UGT1A10: variants seen among roughly 807,000 people sequenced by gnomAD.
UGT1A10 encodes the protein UDP glucuronosyltransferase family 1 member A10.
UGT1A10 carries 49 observed loss-of-function variants against 45.8 expected under a neutral mutation model. The ratio of observed to expected loss-of-function variants is 1.07; its 90% confidence interval spans 0.85 to 1.36. UGT1A10 has a LOEUF of 1.36. Ranked by LOEUF, UGT1A10 falls within the 40% of genes most tolerant of loss-of-function variation. UGT1A10 has a pLI of 0.00. For synonymous variants in UGT1A10, 284 were observed against 249.7 expected (o/e 1.14, Z -1.29); for missense variants, 745 against 668.6 (o/e 1.11, Z -1.26).
chr2:233,745,507 G>T (rs1198591343), intron 1 of UGT1A10, among the ~76,000 whole-genome samples: 14 of 151,594 alleles, frequency 9.2e-5, no homozygotes, highest in Non-Finnish European at 2.9e-5. Context: ...TTCCTATAGG[G>T]TATTAGGTCT....
intron 1 of UGT1A10, among the ~76,000 whole-genome samples, chr2:233,685,011 G>A (rs1056459457): frequency 6.6e-5 from 10 of 152,158 alleles, no homozygotes; most frequent in African/African-American, 9.7e-5. Flanking sequence ...GTTTGTGCAC[G>A]TATGTGTCTG....
At chr2:233,743,773 C>A (rs367921172) in intron 1 of UGT1A10, 4 of 1,367,248 alleles carry the variant, frequency 2.9e-6, no homozygotes, top group African/African-American at 1.5e-5. Context: ...CCTCGGCCAC[C>A]TGCTTGAATC....
At chr2:233,690,080 T>C (rs2074974385) in intron 1 of UGT1A10, among the ~76,000 whole-genome samples, 1 of 152,204 alleles carries the variant, frequency 6.6e-6, no homozygotes. Context: ...GCCTATCAAA[T>C]AGATTAAATT....
chr2:233,755,447 T>C (rs1695920432), intron 1 of UGT1A10: 1 of 310,986 alleles, frequency 3.2e-6, no homozygotes, highest in Non-Finnish European at 6.3e-6. Flanking sequence ...GCAGTGCTCC[T>C]GGGACTGGCC....
At chr2:233,679,708 C>G (rs2074460176) in intron 1 of UGT1A10, among the ~76,000 whole-genome samples, 2 of 152,152 alleles carry the variant, frequency 1.3e-5, no homozygotes, top group African/African-American at 4.8e-5. Flanking sequence ...CTCCTGTTAT[C>G]TGGACAATTT....
At chr2:233,731,204 C>G (rs755932690) in intron 1 of UGT1A10, among the ~76,000 whole-genome samples, 2 of 151,184 alleles carry the variant, frequency 1.3e-5, no homozygotes, top group Non-Finnish European at 2.9e-5. Context: ...TTATAAAATA[C>G]GTGTTTATTT....
intron 1 of UGT1A10, among the ~76,000 whole-genome samples, chr2:233,704,514 T>C (rs977723467): frequency 2.6e-5 from 4 of 152,204 alleles, no homozygotes; most frequent in African/African-American, 9.7e-5. Context: ...TACATCTATA[T>C]ATGTTACAAA....
intron 1 of UGT1A10, among the ~76,000 whole-genome samples, chr2:233,688,641 G>T (rs941155352): frequency 6.6e-6 from 1 of 152,082 alleles, no homozygotes; most frequent in African/African-American, 2.4e-5. Context: ...GTTTTTGTTG[G>T]TGTTACAGAA....
chr2:233,672,047 G>A (rs767288021), intron 1 of UGT1A10: 1 of 1,614,152 alleles, frequency 6.2e-7, no homozygotes, highest in African/African-American at 1.3e-5. Flanking sequence ...GGGAGCCACT[G>A]GTTCACCATG....
intron 1 of UGT1A10, among the ~76,000 whole-genome samples, chr2:233,731,010 G>A (rs17868337): frequency 0.016 from 2,364 of 152,256 alleles, 27 homozygotes; most frequent in Admixed American, 0.024. Flanking sequence ...CATGTACATC[G>A]TGAGAGAATC....
At chr2:233,658,768 A>G (rs537748579) in intron 1 of UGT1A10, among the ~76,000 whole-genome samples, 1 of 152,322 alleles carries the variant, frequency 6.6e-6, no homozygotes, top group South Asian at 2.1e-4. Flanking sequence ...ACTTTTGTAA[A>G]AACTTGGTTG....
chr2:233,713,640 C>T, intron 1 of UGT1A10: 1 of 1,613,940 alleles, frequency 6.2e-7, no homozygotes. Flanking sequence ...CATGCTCTAC[C>T]CTCTGGCCCT....
intron 1 of UGT1A10, chr2:233,755,125 C>T (rs1380878187): frequency 3.0e-6 from 4 of 1,325,936 alleles, no homozygotes; most frequent in Non-Finnish European, 4.1e-6. Flanking sequence ...GCCTCAGCCA[C>T]CTGCTTGAAT....
intron 1 of UGT1A10, among the ~76,000 whole-genome samples, chr2:233,702,899 G>T (rs1390474753): frequency 6.6e-6 from 1 of 152,144 alleles, no homozygotes; most frequent in East Asian, 1.9e-4. Flanking sequence ...ATCCATAAGA[G>T]ATATTGGAAG....
chr2:233,679,061 C>T (rs10202865), intron 1 of UGT1A10, among the ~76,000 whole-genome samples: 45,513 of 151,892 alleles, frequency 0.3, 7,094 homozygotes, highest in South Asian at 0.4. Flanking sequence ...AGATTCTCTT[C>T]CATAGTATTG....
intron 1 of UGT1A10, among the ~76,000 whole-genome samples, chr2:233,646,403 A>T (rs2073605083): frequency 6.6e-6 from 1 of 152,244 alleles, no homozygotes; most frequent in Non-Finnish European, 1.5e-5. Flanking sequence ...TTCTCCTCAG[A>T]AAATGGGATT....
intron 1 of UGT1A10, among the ~76,000 whole-genome samples, chr2:233,728,304 C>A (rs2077697138): frequency 1.3e-5 from 2 of 152,312 alleles, no homozygotes; most frequent in African/African-American, 4.8e-5. Context: ...TCAGACTGTG[C>A]AAGATCTGAG....
Position 233,713,658 on chromosome 2 carries a change from C to T in UGT1A10, c.856-53376C>T, listed in dbSNP as rs376312935. The stretch of plus-strand genomic sequence containing the variant: ...GCTCTACCCTCTGGCCCTGTCCTAC[C>T]TTTGCCATGCTGTTTCTGCTCCTTA... On this transcript the variant is annotated intron_variant, in intron 1 of 4. Coordinates refer to ENST00000344644, the MANE Select transcript of UGT1A10 (RefSeq NM_019075.4). 2 of 1,613,954 alleles carry T rather than the reference C, an allele frequency of 1.2e-6. No homozygotes were observed. Among genetic ancestry groups the T allele is most frequent in the Non-Finnish European group, 1.7e-6 (2 of 1,179,862 alleles).
At chr2:233,691,600 T>G in intron 1 of UGT1A10, 1 of 985,704 alleles carries the variant, frequency 1.0e-6, no homozygotes, top group Non-Finnish European at 1.2e-6. Flanking sequence ...TACACAGGTC[T>G]TGCTCTGGGA....
Sources: gnomAD v4.1 joint callset for allele counts (sites outside exome capture counted in the v4.1 genomes callset) on GRCh38, gnomAD v4.1.1 for gene constraint, MANE v1.5 for transcripts, NCBI Gene and HGNC (gene_info 2026-07-23, HGNC 2026-07-21) for gene names.